H4C11: variants seen among roughly 807,000 people sequenced by gnomAD.
H4C11 encodes H4 clustered histone 11, also known as histone H4.
Under a neutral mutation model 4.2 loss-of-function variants are expected in H4C11, and 1 was observed. That is an observed-to-expected ratio of 0.24 (90% CI 0.09 to 1.14). H4C11 has a LOEUF of 1.14. Ranked by LOEUF, H4C11 falls within the 50% of genes most tolerant of loss-of-function variation. The pLI, the probability that H4C11 is intolerant of heterozygous loss-of-function variation, is 0.52. For missense variants in H4C11, 73 were observed against 157.7 expected, an observed-to-expected ratio of 0.46 and a Z score of 2.88; for synonymous variants, 95 against 66.9, an observed-to-expected ratio of 1.42 and a Z score of -2.05.
In H4C11 at chr6:27,824,467, T is replaced by C. The variant is rs1760804001; in HGVS notation, c.*31T>C. On this transcript the variant is annotated 3_prime_UTR_variant, in exon 1 of 1. Transcript: ENST00000355057. ...CCTTTCTATCAATAAAAGGCCCTTT[T>C]CAGGGCCACCCTACTTTCTCAGCTG... 6.2e-7 allele frequency: 1 copy of C among 1,603,780 alleles called. No individual in the cohort carries two copies. Among genetic ancestry groups the C allele is most frequent in the Non-Finnish European group, 8.5e-7 (1 of 1,175,850 alleles).
chr6:27,824,404 C>G lies in H4C11; in HGVS notation c.280C>G (p.Gln94Glu). 6.3e-7 allele frequency: 1 copy of G among 1,580,404 alleles called. No homozygotes were observed. Residue 94 changes from glutamine (Q) to glutamate (E), a missense_variant, in exon 1 of 1, where the codon CAG (glutamine) becomes GAG (glutamate). Physicochemically the swap from Gln to Glu is conservative, Grantham distance 29. Transcript: ENST00000355057. Reference protein sequence around the residue: ...AMDVVYALKRQGRTLYGFGG With the variant: ...AMDVVYALKREGRTLYGFGG ...GGATGTGGTCTACGCGCTCAAGCGC[C>G]AGGGCCGCACCCTCTACGGTTTCGG...
Position 27,824,148 on chromosome 6 carries a change from G to T in H4C11, c.24G>T (p.Gly8=), listed in dbSNP as rs772539819. Reference sequence around the variant, plus strand: ...TCATGTCTGGCCGCGGCAAAGGCGGGAAGGGTCTTGGCAAAGGCGGCGCTA... The same window carrying T: ...TCATGTCTGGCCGCGGCAAAGGCGGTAAGGGTCTTGGCAAAGGCGGCGCTA... MSGRGKG[G]KGLGKGGAKR... is the part of the protein sequence containing the mutation. Residue 8 remains glycine (G), a synonymous_variant, in exon 1 of 1, where the codon GGG becomes GGT. Coordinates refer to ENST00000355057, the MANE Select transcript of H4C11 (RefSeq NM_021968.4). 1.3e-6 allele frequency: 2 copies of T among 1,520,914 alleles called. No individual in the cohort carries two copies. Among genetic ancestry groups the T allele is most frequent in the Non-Finnish European group, 1.8e-6 (2 of 1,138,586 alleles). The allele number at this position is 1,520,914 out of a possible 1,614,324, so 94.2% of individuals were successfully genotyped here. A position where few individuals can be genotyped will look rare whatever the true frequency, so the allele number is the denominator to read the frequency against.
chr6:27,824,362 A>AT lies in H4C11; in HGVS notation c.238_239insT (p.Lys80IlefsTer32). 6.4e-7 allele frequency: 1 copy of AT among 1,563,234 alleles called. No homozygotes were observed. Among genetic ancestry groups the AT allele is most frequent in the Non-Finnish European group, 8.6e-7 (1 of 1,160,424 alleles). On this transcript the variant is annotated frameshift_variant, in exon 1 of 1. Transcript: ENST00000355057. LOFTEE classifies it high-confidence loss of function. The stretch of plus-strand genomic sequence containing the variant: ...GACCTATACAGAGCACGCCAAGCGC[A>AT]AGACGGTCACCGCCATGGATGTGGT...
rs775407783 is a variant in H4C11 at position 27,824,226 on chromosome 6, C to T, written c.102C>T (p.Ala34=). ...RDNIQGITKP[A]IRRLARRGGV... is the part of the protein sequence containing the mutation. Reference sequence around the variant, plus strand: ...ATATCCAGGGCATCACCAAGCCGGCCATCCGGCGCCTTGCTCGCCGCGGCG... The same window carrying T: ...ATATCCAGGGCATCACCAAGCCGGCTATCCGGCGCCTTGCTCGCCGCGGCG... The change falls in exon 1 of 1, where the codon GCC becomes GCT. Residue 34 remains alanine (A), a synonymous_variant. Transcript: ENST00000355057. 31 of 1,566,690 alleles carry T rather than the reference C, an allele frequency of 2.0e-5. No individual in the cohort carries two copies. Among genetic ancestry groups the T allele is most frequent in the Non-Finnish European group, 2.4e-5 (28 of 1,156,270 alleles).
Position 27,824,151 on chromosome 6 carries a change from G to A in H4C11, c.27G>A (p.Lys9=), listed in dbSNP as rs1286114495. 14 of 1,520,742 alleles carry A rather than the reference G, an allele frequency of 9.2e-6. No homozygotes were observed. The highest frequency in any genetic ancestry group is 2.3e-5 in the Admixed American group (1 of 43,924). The allele number at this position is 1,520,742 out of a possible 1,614,324, so 94.2% of individuals were successfully genotyped here. The change falls in exon 1 of 1, where the codon AAG becomes AAA. Residue 9 remains lysine, a synonymous_variant. Coordinates refer to ENST00000355057, the MANE Select transcript of H4C11 (RefSeq NM_021968.4). MSGRGKGG[K]GLGKGGAKRH... is the part of the protein sequence containing the mutation. Reference sequence around the variant, plus strand: ...TGTCTGGCCGCGGCAAAGGCGGGAAGGGTCTTGGCAAAGGCGGCGCTAAGC... The same window carrying A: ...TGTCTGGCCGCGGCAAAGGCGGGAAAGGTCTTGGCAAAGGCGGCGCTAAGC...
chr6:27,824,327 G>A lies in H4C11; in HGVS notation c.203G>A (p.Arg68Gln), dbSNP rs1760797621. The A allele has an allele frequency of 6.3e-7, 1 of 1,592,038 alleles. No homozygotes were observed. The highest frequency in any genetic ancestry group is 1.4e-5 in the African/African-American group (1 of 73,902). Residue 68 changes from arginine (R) to glutamine (Q), a missense_variant, in exon 1 of 1, where the codon CGG becomes CAG. Around this residue, in one of 4 missense-constraint regions of H4C11, gnomAD observed 40 missense variants for 78.3 expected, o/e 0.51. Coordinates refer to ENST00000355057, the MANE Select transcript of H4C11 (RefSeq NM_021968.4). ...VLKVFLENVIRDAVTYTEHAK... is the reference protein window; with the variant it reads ...VLKVFLENVIQDAVTYTEHAK... ...AAGGTGTTCCTGGAGAACGTGATCCGGGACGCCGTGACCTATACAGAGCAC... is the reference window on the plus strand; with the variant it reads ...AAGGTGTTCCTGGAGAACGTGATCCAGGACGCCGTGACCTATACAGAGCAC...
rs1310485147 is a variant in H4C11 at position 27,824,460 on chromosome 6, G to A, written c.*24G>A. 1.9e-6 allele frequency: 3 copies of A among 1,606,426 alleles called. No homozygotes were observed. The highest frequency in any genetic ancestry group is 2.2e-5 in the East Asian group (1 of 44,804). On this transcript the variant is annotated 3_prime_UTR_variant, in exon 1 of 1. Coordinates refer to ENST00000355057, the MANE Select transcript of H4C11 (RefSeq NM_021968.4). Reference sequence around the variant, plus strand: ...GAGCGTCCCTTTCTATCAATAAAAGGCCCTTTTCAGGGCCACCCTACTTTC... The same window carrying A: ...GAGCGTCCCTTTCTATCAATAAAAGACCCTTTTCAGGGCCACCCTACTTTC...
chr6:27,824,208 G>A lies in H4C11; in HGVS notation c.84G>A (p.Gln28=), dbSNP rs1207786321. The change falls in exon 1 of 1, where the codon CAG becomes CAA. Residue 28 remains glutamine (Q), a synonymous_variant. Transcript: ENST00000355057. ...GTAAAGTACTGCGCGACAATATCCA[G>A]GGCATCACCAAGCCGGCCATCCGGC... ...RHRKVLRDNI[Q]GITKPAIRRL... is the part of the protein sequence containing the mutation. 1.3e-6 allele frequency: 2 copies of A among 1,553,306 alleles called. No individual in the cohort carries two copies. Among genetic ancestry groups the A allele is most frequent in the Non-Finnish European group, 8.7e-7 (1 of 1,150,322 alleles).
In H4C11 at chr6:27,824,280, C is replaced by G; in HGVS notation, c.156C>G (p.Tyr52Ter). 3.8e-6 allele frequency: 6 copies of G among 1,588,930 alleles called. No individual in the cohort carries two copies. The highest frequency in any genetic ancestry group is 5.1e-6 in the Non-Finnish European group (6 of 1,166,434). ...GGVKRISGLI[Y>*]EETRGVLKVF... ...TGAAGCGCATCTCCGGCCTCATCTA[C>G]GAGGAGACTCGCGGGGTGCTGAAGG... Residue 52 changes from tyrosine to a stop codon, truncating the protein, a stop_gained, in exon 1 of 1, where the codon TAC becomes TAG. Transcript: ENST00000355057. LOFTEE classifies it high-confidence loss of function.
chr6:27,824,448 T>C lies in H4C11; in HGVS notation c.*12T>C, dbSNP rs754914455. ...GTTTCGGTGGTTGAGCGTCCCTTTC[T>C]ATCAATAAAAGGCCCTTTTCAGGGC... On this transcript the variant is annotated 3_prime_UTR_variant, in exon 1 of 1. Coordinates refer to ENST00000355057, the MANE Select transcript of H4C11 (RefSeq NM_021968.4). The C allele has an allele frequency of 8.7e-6, 14 of 1,606,948 alleles. No individual in the cohort carries two copies. Among genetic ancestry groups the C allele is most frequent in the African/African-American group, 1.3e-5 (1 of 74,514 alleles).
Position 27,824,430 on chromosome 6 carries a change from T to G in H4C11, c.306T>G (p.Gly102=). 1 of 1,599,560 alleles carries G rather than the reference T, an allele frequency of 6.3e-7. No individual in the cohort carries two copies. The highest frequency in any genetic ancestry group is 1.1e-5 in the South Asian group (1 of 89,208). ...AGGGCCGCACCCTCTACGGTTTCGGTGGTTGAGCGTCCCTTTCTATCAATA... is the reference window on the plus strand; with the variant it reads ...AGGGCCGCACCCTCTACGGTTTCGGGGGTTGAGCGTCCCTTTCTATCAATA... ...KRQGRTLYGF[G]G is the part of the protein sequence containing the mutation. The change falls in exon 1 of 1, where the codon GGT becomes GGG. Residue 102 remains glycine (G), a synonymous_variant. Coordinates refer to ENST00000355057, the MANE Select transcript of H4C11 (RefSeq NM_021968.4).
chr6:27,824,160 C>G lies in H4C11; in HGVS notation c.36C>G (p.Gly12=). ...GCGGCAAAGGCGGGAAGGGTCTTGG[C>G]AAAGGCGGCGCTAAGCGCCACCGTA... is the stretch of plus-strand genomic sequence containing the variant. ...SGRGKGGKGL[G]KGGAKRHRKV... The change falls in exon 1 of 1, where the codon GGC becomes GGG. Residue 12 remains glycine, a synonymous_variant. Coordinates refer to ENST00000355057, the MANE Select transcript of H4C11 (RefSeq NM_021968.4). 3 of 1,520,944 alleles carry G rather than the reference C, an allele frequency of 2.0e-6. No individual in the cohort carries two copies. The highest frequency in any genetic ancestry group is 2.6e-6 in the Non-Finnish European group (3 of 1,138,534). 94.2% of individuals were successfully genotyped at this position (1,520,944 alleles called of 1,614,324 possible). A position where few individuals can be genotyped will look rare whatever the true frequency, so the allele number is the denominator to read the frequency against.
chr6:27,824,141 A>G lies in H4C11; in HGVS notation c.17A>G (p.Lys6Arg). The change falls in exon 1 of 1, where the codon AAA (lysine) becomes AGA (arginine). Residue 6 changes from lysine to arginine, a missense_variant. By Grantham distance (26) the Lys-to-Arg change is conservative (BLOSUM62 2). Transcript: ENST00000355057. ...TTGCTCGTCATGTCTGGCCGCGGCA[A>G]AGGCGGGAAGGGTCTTGGCAAAGGC... is the stretch of plus-strand genomic sequence containing the variant. MSGRG[K>R]GGKGLGKGGA... The G allele has an allele frequency of 6.5e-7, 1 of 1,533,046 alleles. No individual in the cohort carries two copies. The highest frequency in any genetic ancestry group is 8.8e-7 in the Non-Finnish European group (1 of 1,141,284). The allele number at this position is 1,533,046 out of a possible 1,614,324, so 95.0% of individuals were successfully genotyped here.
At position 27,824,190 on chromosome 6, in the gene H4C11, A is replaced by C. The variant is rs750882600; in HGVS notation, c.66A>C (p.Val22=). ...GCGGCGCTAAGCGCCACCGTAAAGT[A>C]CTGCGCGACAATATCCAGGGCATCA... is the stretch of plus-strand genomic sequence containing the variant. ...GKGGAKRHRK[V]LRDNIQGITK... is the part of the protein sequence containing the mutation. The change falls in exon 1 of 1, where the codon GTA becomes GTC. Residue 22 remains valine (V), a synonymous_variant. Transcript: ENST00000355057. 6 of 1,525,764 alleles carry C rather than the reference A, an allele frequency of 3.9e-6. No individual in the cohort carries two copies. The highest frequency in any genetic ancestry group is 5.3e-6 in the Non-Finnish European group (6 of 1,139,298). The allele number at this position is 1,525,764 out of a possible 1,614,324, so 94.5% of individuals were successfully genotyped here. A position where few individuals can be genotyped will look rare whatever the true frequency, so the allele number is the denominator to read the frequency against.
rs781671939 is a variant in H4C11, at chr6:27,824,135, G to C, written c.11G>C (p.Arg4Pro). ...CTCCTCTTGCTCGTCATGTCTGGCCGCGGCAAAGGCGGGAAGGGTCTTGGC... is the reference window on the plus strand; with the variant it reads ...CTCCTCTTGCTCGTCATGTCTGGCCCCGGCAAAGGCGGGAAGGGTCTTGGC... MSG[R>P]GKGGKGLGKG... is the part of the protein sequence containing the mutation. Residue 4 changes from arginine (R) to proline (P), a missense_variant, in exon 1 of 1, where the codon CGC (arginine) becomes CCC (proline). Arg to Pro is a moderately radical substitution (Grantham distance 103). Around this residue, in one of 4 missense-constraint regions of H4C11, gnomAD observed 20 missense variants for 19.9 expected, o/e 1.00. Transcript: ENST00000355057. 1.3e-6 allele frequency: 2 copies of C among 1,538,198 alleles called. No homozygotes were observed. Among genetic ancestry groups the C allele is most frequent in the Non-Finnish European group, 8.8e-7 (1 of 1,142,370 alleles).
chr6:27,824,136 C>CGGCAAAGGCGGGAAGGGTCTT lies in H4C11; in HGVS notation c.24_44dup (p.Lys9_Gly15dup). 7 of 1,538,316 alleles carry CGGCAAAGGCGGGAAGGGTCTT rather than the reference C, an allele frequency of 4.6e-6. No individual in the cohort carries two copies. The highest frequency in any genetic ancestry group is 4.0e-5 in the Admixed American group (2 of 50,204). On this transcript the variant is annotated inframe_insertion, in exon 1 of 1. Coordinates refer to ENST00000355057, the MANE Select transcript of H4C11 (RefSeq NM_021968.4). ...TCCTCTTGCTCGTCATGTCTGGCCG[C>CGGCAAAGGCGGGAAGGGTCTT]GGCAAAGGCGGGAAGGGTCTTGGCA...
Position 27,824,431 on chromosome 6 carries a change from G to A in H4C11, c.307G>A (p.Gly103Ser). ...RQGRTLYGFG[G>S] is the part of the protein sequence containing the mutation. ...GGGCCGCACCCTCTACGGTTTCGGTGGTTGAGCGTCCCTTTCTATCAATAA... is the reference window on the plus strand; with the variant it reads ...GGGCCGCACCCTCTACGGTTTCGGTAGTTGAGCGTCCCTTTCTATCAATAA... Residue 103 changes from glycine (G) to serine (S), a missense_variant, in exon 1 of 1, where the codon GGT becomes AGT. Coordinates refer to ENST00000355057, the MANE Select transcript of H4C11 (RefSeq NM_021968.4). 2 of 1,603,760 alleles carry A rather than the reference G, an allele frequency of 1.2e-6. No individual in the cohort carries two copies. Among genetic ancestry groups the A allele is most frequent in the Admixed American group, 3.5e-5 (2 of 56,758 alleles).
rs367573545 is a variant in H4C11, at chr6:27,824,113, C to T, written c.-12C>T. 98 of 1,543,784 alleles carry T rather than the reference C, an allele frequency of 6.3e-5. 1 individual carries two copies. Among genetic ancestry groups the T allele is most frequent in the Middle Eastern group, 1.8e-4 (1 of 5,684 alleles). On this transcript the variant is annotated 5_prime_UTR_variant, in exon 1 of 1. Coordinates refer to ENST00000355057, the MANE Select transcript of H4C11 (RefSeq NM_021968.4). ...CCTCACAAAGCGTTGGGTGAGACTCCTCTTGCTCGTCATGTCTGGCCGCGG... is the reference window on the plus strand; with the variant it reads ...CCTCACAAAGCGTTGGGTGAGACTCTTCTTGCTCGTCATGTCTGGCCGCGG...
Position 27,824,180 on chromosome 6 carries a change from A to G in H4C11, c.56A>G (p.His19Arg). 1.3e-6 allele frequency: 2 copies of G among 1,516,524 alleles called. No homozygotes were observed. Among genetic ancestry groups the G allele is most frequent in the African/African-American group, 1.4e-5 (1 of 70,936 alleles). The allele number at this position is 1,516,524 out of a possible 1,614,324, so 93.9% of individuals were successfully genotyped here. The change falls in exon 1 of 1, where the codon CAC becomes CGC. Residue 19 changes from histidine to arginine, a missense_variant. By Grantham distance (29) the His-to-Arg change is conservative (BLOSUM62 0). Coordinates refer to ENST00000355057, the MANE Select transcript of H4C11 (RefSeq NM_021968.4). ...KGLGKGGAKR[H>R]RKVLRDNIQG... ...CTTGGCAAAGGCGGCGCTAAGCGCC[A>G]CCGTAAAGTACTGCGCGACAATATC...
Sources: gnomAD v4.1 joint callset for allele counts on GRCh38, gnomAD v4.1.1 for gene constraint, gnomAD v4.1.1 regional missense constraint, MANE v1.5 for transcripts, NCBI Gene and HGNC (gene_info 2026-07-23, HGNC 2026-07-21) for gene names.